The following GTF2H4 variants were observed in gnomAD, a reference collection of about 807,000 sequenced individuals.
GTF2H4 encodes the protein general transcription factor IIH subunit 4.
In GTF2H4, 49 loss-of-function variants were observed where a neutral mutation model predicts 62.2. The observed-to-expected ratio is 0.79, with a 90% confidence interval of 0.63 to 1.00. The LOEUF is 1.00. Ranked by LOEUF, GTF2H4 falls within the 50% of genes least tolerant of loss-of-function variation. GTF2H4 has a pLI of 0.00. For synonymous variants in GTF2H4, 189 were observed against 233.8 expected, an observed-to-expected ratio of 0.81 and a Z score of 1.75; for missense variants, 479 against 587.8, an observed-to-expected ratio of 0.81 and a Z score of 1.91.
In GTF2H4 at chr6:30,913,518, G is replaced by A; in HGVS notation, c.1216+131G>A. On this transcript the variant is annotated intron_variant, in intron 13 of 13. Transcript: ENST00000259895. This position sits in a 1 kb window ranked among gnomAD's most constrained non-coding sequence, Gnocchi z 4.2. Reference sequence around the variant, plus strand: ...CAAGACAGTTTTTTGTTGTTTTGGGGTGAGTCGGTAGTAAACAAATCGTCC... The same window carrying A: ...CAAGACAGTTTTTTGTTGTTTTGGGATGAGTCGGTAGTAAACAAATCGTCC... 9.6e-7 allele frequency: 1 copy of A among 1,040,654 alleles called. No individual in the cohort carries two copies. Among genetic ancestry groups the A allele is most frequent in the Non-Finnish European group, 1.4e-6 (1 of 715,718 alleles). 64.5% of individuals were successfully genotyped at this position (1,040,654 alleles called of 1,614,324 possible).
At position 30,914,026 on chromosome 6, in the gene GTF2H4, C is replaced by CGGGGGG; in HGVS notation, c.*47_*48insGGGGGG. The CGGGGGG allele has an allele frequency of 4.9e-6, 3 of 608,050 alleles. No individual in the cohort carries two copies. The highest frequency in any genetic ancestry group is 1.9e-5 in the African/African-American group (1 of 51,568). The allele number at this position is 608,050 out of a possible 1,614,324, so 37.7% of individuals were successfully genotyped here. On this transcript the variant is annotated 3_prime_UTR_variant, in exon 14 of 14. Coordinates refer to ENST00000259895, the MANE Select transcript of GTF2H4 (RefSeq NM_001517.5). Reference sequence around the variant, plus strand: ...ACGGACCTCGGCGGGCGGGACTGGGCGGGGCGGGGCATCAGAACTCAGGTG... The same window carrying CGGGGGG: ...ACGGACCTCGGCGGGCGGGACTGGGCGGGGGGGGGGCGGGGCATCAGAACTCAGGTG...
chr6:30,909,942 G>T lies in GTF2H4; in HGVS notation c.253G>T (p.Glu85Ter), dbSNP rs1371646776. 6.2e-7 allele frequency: 1 copy of T among 1,611,954 alleles called. No homozygotes were observed. The highest frequency in any genetic ancestry group is 1.3e-5 in the African/African-American group (1 of 74,830). ...CTGCTTCTGTTCCAGGGCTCAGGAG[G>T]AAAGTACAGGGCTGCTGAGCGGCCT... ...VKKEFSKAQE[E>*]STGLLSGLRI... Residue 85 changes from glutamate to a stop codon, truncating the protein, a stop_gained, in exon 4 of 14, where the codon GAA becomes TAA. Transcript: ENST00000259895. LOFTEE classifies it high-confidence loss of function. This position sits in a 1 kb window ranked among gnomAD's most constrained non-coding sequence, Gnocchi z 4.3.
Position 30,912,428 on chromosome 6 carries a change from G to T in GTF2H4, c.1059G>T (p.Gln353His), listed in dbSNP as rs775143911. ...AGGTGACCCGGGAGAGTGTGCAGCA[G>T]GCAATCGCCAGTGGCATCACAGCCC... The part of the protein sequence containing the change: ...VAQVTRESVQ[Q>H]AIASGITAQQ... Residue 353 changes from glutamine to histidine, a missense_variant, in exon 11 of 14, where the codon CAG (glutamine) becomes CAT (histidine). Gln to His is a conservative substitution (Grantham distance 24). Transcript: ENST00000259895. The surrounding 1 kb of genome is among the most constrained non-coding windows in gnomAD (Gnocchi z 4.8). The T allele has an allele frequency of 1.2e-6, 2 of 1,612,738 alleles. No individual in the cohort carries two copies. The highest frequency in any genetic ancestry group is 8.5e-7 in the Non-Finnish European group (1 of 1,180,034).
At chr6:30,908,960 G>A in intron 1 of GTF2H4, 74 bp from the exon 2 acceptor site, 2 of 1,530,776 alleles carry the variant, frequency 1.3e-6, no homozygotes, top group Admixed American at 1.7e-5. Flanking sequence ...GATGGATCTG[G>A]AATCAGTTAG....
chr6:30,911,913 G>T lies in GTF2H4; in HGVS notation c.826-101G>T. ...GGGTCTCTCGGGGGAGAGAAGTTGG[G>T]GGTTGAGGTTCTGCATCTTGGGAGG... On this transcript the variant is annotated intron_variant, in intron 9 of 13. Transcript: ENST00000259895. The surrounding 1 kb of genome is among the most constrained non-coding windows in gnomAD (Gnocchi z 4.3). The T allele has an allele frequency of 6.8e-7, 1 of 1,480,892 alleles. No individual in the cohort carries two copies. The highest frequency in any genetic ancestry group is 9.3e-7 in the Non-Finnish European group (1 of 1,077,510). The allele number at this position is 1,480,892 out of a possible 1,614,324, so 91.7% of individuals were successfully genotyped here. A position where few individuals can be genotyped will look rare whatever the true frequency, so the allele number is the denominator to read the frequency against.
chr6:30,911,851 G>A lies in GTF2H4; in HGVS notation c.825+84G>A, dbSNP rs1394142979. The A allele has an allele frequency of 7.0e-7, 1 of 1,424,148 alleles. No homozygotes were observed. The highest frequency in any genetic ancestry group is 9.9e-7 in the Non-Finnish European group (1 of 1,013,506). 88.2% of individuals were successfully genotyped at this position (1,424,148 alleles called of 1,614,324 possible). On this transcript the variant is annotated intron_variant, in intron 9 of 13. Coordinates refer to ENST00000259895, the MANE Select transcript of GTF2H4 (RefSeq NM_001517.5). The surrounding 1 kb of genome is among the most constrained non-coding windows in gnomAD (Gnocchi z 4.3). ...CCTTTAAAAAGGAGTGGGGTCTTGG[G>A]GCAGTAGCAGGAAGCAGTTGCCAGA...
Position 30,911,682 on chromosome 6 carries a change from A to G in GTF2H4, c.742-2A>G, listed in dbSNP as rs997031432. Reference sequence around the variant, plus strand: ...CCCCAGCTGGAAACCTCTGTTCCTCAGGATTACTCTGTGGAAGGTATGAGT... The same window carrying G: ...CCCCAGCTGGAAACCTCTGTTCCTCGGGATTACTCTGTGGAAGGTATGAGT... On this transcript the variant is annotated splice_acceptor_variant, in intron 8 of 13. Coordinates refer to ENST00000259895, the MANE Select transcript of GTF2H4 (RefSeq NM_001517.5). LOFTEE classifies it high-confidence loss of function. This position sits in a 1 kb window ranked among gnomAD's most constrained non-coding sequence, Gnocchi z 4.3. 2 of 1,611,906 alleles carry G rather than the reference A, an allele frequency of 1.2e-6. No homozygotes were observed. Among genetic ancestry groups the G allele is most frequent in the African/African-American group, 2.7e-5 (2 of 75,006 alleles).
chr6:30,909,463 G>A lies in GTF2H4; in HGVS notation c.166G>A (p.Val56Met). 6.2e-7 allele frequency: 1 copy of A among 1,612,760 alleles called. No homozygotes were observed. Among genetic ancestry groups the A allele is most frequent in the Non-Finnish European group, 8.5e-7 (1 of 1,179,778 alleles). Residue 56 changes from valine to methionine, a missense_variant, in exon 3 of 14, where the codon GTG becomes ATG. Coordinates refer to ENST00000259895, the MANE Select transcript of GTF2H4 (RefSeq NM_001517.5). The surrounding 1 kb of genome is among the most constrained non-coding windows in gnomAD (Gnocchi z 4.3). ...GCTCCCATCCTTGGCTAAGAACTGG[G>A]TGATGCGGATGCTCTTTCTGGAGCA... ...RELPSLAKNW[V>M]MRMLFLEQPL...
In GTF2H4 at chr6:30,912,185, G is replaced by A. The variant is rs775966917; in HGVS notation, c.958+39G>A. The A allele has an allele frequency of 1.7e-5, 28 of 1,610,892 alleles. No individual in the cohort carries two copies. Among genetic ancestry groups the A allele is most frequent in the Non-Finnish European group, 2.2e-5 (26 of 1,178,738 alleles). The stretch of plus-strand genomic sequence containing the variant: ...GAGGGCCCCTGGAAGAGGAGGTTGG[G>A]GGTGAGGGAATGCCAGTTTATGTTC... On this transcript the variant is annotated intron_variant, in intron 10 of 13. Coordinates refer to ENST00000259895, the MANE Select transcript of GTF2H4 (RefSeq NM_001517.5). The surrounding 1 kb of genome is among the most constrained non-coding windows in gnomAD (Gnocchi z 4.8).
Position 30,910,821 on chromosome 6 carries a change from G to A in GTF2H4, c.472-32G>A, listed in dbSNP as rs745828987. 6 of 1,598,126 alleles carry A rather than the reference G, an allele frequency of 3.8e-6. No individual in the cohort carries two copies. The Admixed American group carries it at 1.0e-4, about 27-fold the overall frequency. On this transcript the variant is annotated intron_variant, in intron 5 of 13. Coordinates refer to ENST00000259895, the MANE Select transcript of GTF2H4 (RefSeq NM_001517.5). The surrounding 1 kb of genome is among the most constrained non-coding windows in gnomAD (Gnocchi z 4.7). Reference sequence around the variant, plus strand: ...GCTTCTACTTCCCATGGCCCTTGGGGCATGGTCTCCCTGTTCTCTTCTGTT... The same window carrying A: ...GCTTCTACTTCCCATGGCCCTTGGGACATGGTCTCCCTGTTCTCTTCTGTT...
Position 30,911,981 on chromosome 6 carries a change from G to GAGA in GTF2H4, c.826-32_826-30dup. The GAGA allele has an allele frequency of 1.9e-6, 3 of 1,609,746 alleles. No individual in the cohort carries two copies. The highest frequency in any genetic ancestry group is 2.5e-6 in the Non-Finnish European group (3 of 1,178,258). ...AGGAAGATGTAAGGCAGTGACTTCTGAGACAAGGCATCTGCCTTTCTATTC... is the reference window on the plus strand; with the variant it reads ...AGGAAGATGTAAGGCAGTGACTTCTGAGAAGACAAGGCATCTGCCTTTCTATTC... On this transcript the variant is annotated intron_variant, in intron 9 of 13. Coordinates refer to ENST00000259895, the MANE Select transcript of GTF2H4 (RefSeq NM_001517.5). This position sits in a 1 kb window ranked among gnomAD's most constrained non-coding sequence, Gnocchi z 4.3.
At position 30,911,603 on chromosome 6, in the gene GTF2H4, G is replaced by A; in HGVS notation, c.742-81G>A. 7.5e-7 allele frequency: 1 copy of A among 1,338,656 alleles called. No individual in the cohort carries two copies. Among genetic ancestry groups the A allele is most frequent in the Non-Finnish European group, 1.1e-6 (1 of 929,760 alleles). The allele number at this position is 1,338,656 out of a possible 1,614,324, so 82.9% of individuals were successfully genotyped here. ...GAATGAAAACAGAACGAACAGAGAT[G>A]GAGAAAGAAAGAATGAATGTATGGG... On this transcript the variant is annotated intron_variant, in intron 8 of 13. Transcript: ENST00000259895. The surrounding 1 kb of genome is among the most constrained non-coding windows in gnomAD (Gnocchi z 4.3).
At position 30,909,915 on chromosome 6, in the gene GTF2H4, C is replaced by G; in HGVS notation, c.243-17C>G. The G allele has an allele frequency of 6.2e-7, 1 of 1,606,964 alleles. No homozygotes were observed. Among genetic ancestry groups the G allele is most frequent in the South Asian group, 1.1e-5 (1 of 90,106 alleles). On this transcript the variant is annotated splice_polypyrimidine_tract_variant and intron_variant, in intron 3 of 13. Transcript: ENST00000259895. This position sits in a 1 kb window ranked among gnomAD's most constrained non-coding sequence, Gnocchi z 4.3. ...TGTTTTCCAAATACCCTACTCACCT[C>G]TCTGCTTCTGTTCCAGGGCTCAGGA...
At chr6:30,908,917 G>T (rs942243205) in intron 1 of GTF2H4, 117 bp from the exon 2 acceptor site, 10 of 1,141,096 alleles carry the variant, frequency 8.8e-6, no homozygotes, top group South Asian at 1.3e-5. Context: ...TGGGAAAGGA[G>T]ACCACAGAAA....
In GTF2H4 at chr6:30,911,038, C is replaced by T; in HGVS notation, c.560+97C>T. 1 of 1,335,678 alleles carries T rather than the reference C, an allele frequency of 7.5e-7. No homozygotes were observed. The highest frequency in any genetic ancestry group is 1.9e-5 in the Admixed American group (1 of 52,630). 82.7% of individuals were successfully genotyped at this position (1,335,678 alleles called of 1,614,324 possible). ...GCTAGTCAAGATCAGAGGACATTAG[C>T]TGGAAAAGGCAAGCTGAGTAGAATA... On this transcript the variant is annotated intron_variant, in intron 6 of 13. Transcript: ENST00000259895. The surrounding 1 kb of genome is among the most constrained non-coding windows in gnomAD (Gnocchi z 4.3).
Position 30,913,192 on chromosome 6 carries a change from G to A in GTF2H4, c.1137+35G>A. 6.2e-7 allele frequency: 1 copy of A among 1,613,912 alleles called. No individual in the cohort carries two copies. The highest frequency in any genetic ancestry group is 8.5e-7 in the Non-Finnish European group (1 of 1,179,834). On this transcript the variant is annotated intron_variant, in intron 12 of 13. Coordinates refer to ENST00000259895, the MANE Select transcript of GTF2H4 (RefSeq NM_001517.5). This position sits in a 1 kb window ranked among gnomAD's most constrained non-coding sequence, Gnocchi z 4.2. The stretch of plus-strand genomic sequence containing the variant: ...GGCTCCAAGATGTCAGAGGCTGGCA[G>A]CTGGTGATGACATGATGGAAAAGAA...
chr6:30,913,048 G>T lies in GTF2H4; in HGVS notation c.1090-62G>T. 1 of 1,536,068 alleles carries T rather than the reference G, an allele frequency of 6.5e-7. No homozygotes were observed. The highest frequency in any genetic ancestry group is 9.0e-7 in the Non-Finnish European group (1 of 1,111,064). On this transcript the variant is annotated intron_variant, in intron 11 of 13. Transcript: ENST00000259895. The surrounding 1 kb of genome is among the most constrained non-coding windows in gnomAD (Gnocchi z 4.2). ...GATGTTCCAGTGACATTAGGTGACA[G>T]CTCAGATGGCTTTCCTGCCTTCTTG...
Position 30,910,665 on chromosome 6 carries a change from G to C in GTF2H4, c.375G>C (p.Gly125=). The C allele has an allele frequency of 4.3e-6, 7 of 1,612,184 alleles. No individual in the cohort carries two copies. The highest frequency in any genetic ancestry group is 5.9e-6 in the Non-Finnish European group (7 of 1,179,318). The change falls in exon 5 of 14, where the codon GGG becomes GGC. Residue 125 remains glycine, a splice_region_variant and synonymous_variant. Transcript: ENST00000259895. The surrounding 1 kb of genome is among the most constrained non-coding windows in gnomAD (Gnocchi z 4.7). ...RQNLRIALLG[G]GKAWSDDTSQ... is the part of the protein sequence containing the mutation. ...TACTCTTGGCCCATCCTGGCCGTAG[G>C]GGGAAGGCCTGGTCTGATGACACAA...
chr6:30,910,056 C>A lies in GTF2H4; in HGVS notation c.367C>A (p.Leu123Met). The A allele has an allele frequency of 6.2e-7, 1 of 1,612,812 alleles. No individual in the cohort carries two copies. Among genetic ancestry groups the A allele is most frequent in the Non-Finnish European group, 8.5e-7 (1 of 1,179,948 alleles). Residue 123 changes from leucine to methionine, a missense_variant, in exon 4 of 14, where the codon CTG (leucine) becomes ATG (methionine). Coordinates refer to ENST00000259895, the MANE Select transcript of GTF2H4 (RefSeq NM_001517.5). The surrounding 1 kb of genome is among the most constrained non-coding windows in gnomAD (Gnocchi z 4.7). ...IFRQNLRIAL[L>M]GGGKAWSDDT... Reference sequence around the variant, plus strand: ...CCGCCAGAACCTCCGCATTGCCCTTCTGGGTGGGTATGTCACTTCTCTCTC... The same window carrying A: ...CCGCCAGAACCTCCGCATTGCCCTTATGGGTGGGTATGTCACTTCTCTCTC...
Sources: gnomAD v4.1 joint callset for allele counts on GRCh38, gnomAD v4.1.1 for gene constraint, Gnocchi (gnomAD v3.1) non-coding constraint, MANE v1.5 for transcripts, NCBI Gene and HGNC (gene_info 2026-07-23, HGNC 2026-07-21) for gene names.